NTRK2: variants seen among roughly 807,000 people sequenced by gnomAD.
NTRK2 encodes neurotrophic receptor tyrosine kinase 2.
NTRK2 carries 13 observed loss-of-function variants against 94.5 expected under a neutral mutation model. That is an observed-to-expected ratio of 0.14 (90% confidence interval 0.09 to 0.22). The LOEUF is 0.22. Among genes scored for constraint, NTRK2 ranks in the 10% least tolerant of loss-of-function variants. NTRK2 has a pLI of 1.00. For synonymous variants in NTRK2, 372 were observed against 407.4 expected (o/e 0.91, Z 1.05); for missense variants, 639 against 1,071.2 (o/e 0.60, Z 5.63).
chr9:85,017,691 C>T (rs1832380899), intron 17 of NTRK2, among the ~76,000 whole-genome samples: 1 of 152,326 alleles, frequency 6.6e-6, no homozygotes, highest in Admixed American at 6.5e-5. Context: ...GTACATTTGA[C>T]ATATTTGATC....
Position 84,926,109 on chromosome 9 carries a change from CCTTCCTTCCTT to C in NTRK2, c.1634-8051_1634-8041del, listed in dbSNP as rs2077761945. On this transcript the variant is annotated intron_variant, in intron 14 of 18. Coordinates refer to ENST00000277120, the MANE Select transcript of NTRK2 (RefSeq NM_006180.6). Reference sequence around the variant, plus strand: ...CCTTCCTTCCTTCCTTCCTTCCTTTCCTTCCTTCCTTCCTTCCTTCCTTCCTTCCTTCCTTC... The same window carrying C: ...CCTTCCTTCCTTCCTTCCTTCCTTTCCCTTCCTTCCTTCCTTCCTTCCTTC... Among the ~76,000 whole-genome samples, 75 of 43,918 alleles carry C rather than the reference CCTTCCTTCCTT, an allele frequency of 1.7e-3. 1 individual carries two copies. Among genetic ancestry groups the C allele is most frequent in the Middle Eastern group, 0.017 (1 of 58 alleles). 28.8% of individuals were successfully genotyped at this position (43,918 alleles called of 152,430 possible). A position where few individuals can be genotyped will look rare whatever the true frequency, so the allele number is the denominator to read the frequency against.
intron 12 of NTRK2, among the ~76,000 whole-genome samples, chr9:84,836,313 G>T (rs2073870430): frequency 1.3e-5 from 2 of 152,098 alleles, no homozygotes; most frequent in African/African-American, 4.8e-5. Context: ...GCCCTAGTTG[G>T]TTGGGAAATG....
chr9:84,674,920 G>A (rs1185926093), intron 2 of NTRK2, among the ~76,000 whole-genome samples: 1 of 152,096 alleles, frequency 6.6e-6, no homozygotes, highest in Non-Finnish European at 1.5e-5. Context: ...AGGAAAATGG[G>A]TTTGATTTTT....
At chr9:85,012,687 T>C (rs1415720348) in intron 17 of NTRK2, among the ~76,000 whole-genome samples, 6 of 152,172 alleles carry the variant, frequency 3.9e-5, no homozygotes, top group African/African-American at 1.2e-4. Context: ...ATTATAATCA[T>C]TTCTATCATT....
intron 2 of NTRK2, among the ~76,000 whole-genome samples, chr9:84,676,398 C>T (rs971750040): frequency 6.6e-6 from 1 of 152,152 alleles, no homozygotes; most frequent in African/African-American, 2.4e-5. Context: ...TCTGAACTCC[C>T]TCAAACCATG....
chr9:84,959,534 G>A (rs1471734574), intron 17 of NTRK2, among the ~76,000 whole-genome samples: 1 of 152,192 alleles, frequency 6.6e-6, no homozygotes, highest in Non-Finnish European at 1.5e-5. Context: ...AGGGGAGCTG[G>A]TAGCACCAGG....
At chr9:84,811,305 G>T in intron 12 of NTRK2, 1 of 1,065,442 alleles carries the variant, frequency 9.4e-7, no homozygotes, top group African/African-American at 1.6e-5. Context: ...ACAAACAAAT[G>T]AAAAACGTTT....
intron 14 of NTRK2, among the ~76,000 whole-genome samples, chr9:84,887,869 A>G (rs1018585304): frequency 6.6e-6 from 1 of 152,304 alleles, no homozygotes; most frequent in East Asian, 1.9e-4. Context: ...AGGAAAGATT[A>G]TTTGTTAACG....
chr9:84,832,832 C>T (rs758282856), intron 12 of NTRK2, among the ~76,000 whole-genome samples: 3 of 152,042 alleles, frequency 2.0e-5, no homozygotes, highest in Non-Finnish European at 4.4e-5. Flanking sequence ...GTGTTTGAAT[C>T]GCAGGGAGGA....
intron 12 of NTRK2, chr9:84,815,014 G>T: frequency 9.4e-7 from 1 of 1,059,504 alleles, no homozygotes; most frequent in Admixed American, 5.4e-5. Flanking sequence ...ACCATGAATT[G>T]AATTTGCTGC....
At chr9:84,932,467 T>C (rs1288177590) in intron 14 of NTRK2, among the ~76,000 whole-genome samples, 3 of 152,172 alleles carry the variant, frequency 2.0e-5, no homozygotes, top group Non-Finnish European at 4.4e-5. Flanking sequence ...TTAAATGGGA[T>C]GGTGGGTTCA....
intron 14 of NTRK2, among the ~76,000 whole-genome samples, chr9:84,918,019 T>C (rs1361583207): frequency 6.6e-6 from 1 of 152,218 alleles, no homozygotes; most frequent in Non-Finnish European, 1.5e-5. Flanking sequence ...AGCACAGCAC[T>C]GCAATTGAAA....
At chr9:84,898,766 A>T (rs1004922308) in intron 14 of NTRK2, among the ~76,000 whole-genome samples, 2 of 151,464 alleles carry the variant, frequency 1.3e-5, no homozygotes, top group Admixed American at 6.6e-5. Context: ...GCAATGGTGC[A>T]ATCTTGGCTC....
At position 84,836,815 on chromosome 9, in the gene NTRK2, C is replaced by T. The variant is rs558804954; in HGVS notation, c.1397-24225C>T. Among the ~76,000 whole-genome samples, 5 of 150,518 alleles carry T rather than the reference C, an allele frequency of 3.3e-5. No homozygotes were observed. The East Asian group carries it at 9.8e-4, about 30-fold the overall frequency. Reference sequence around the variant, plus strand: ...TCCCAGTAACTGGGATCAGTAAAGTCTACAAAGAACCTTACAACAATTCAA... The same window carrying T: ...TCCCAGTAACTGGGATCAGTAAAGTTTACAAAGAACCTTACAACAATTCAA... On this transcript the variant is annotated intron_variant, in intron 12 of 18. Transcript: ENST00000277120.
intron 12 of NTRK2, chr9:84,813,504 T>C (rs1034147420): frequency 1.9e-6 from 2 of 1,065,320 alleles, no homozygotes; most frequent in Non-Finnish European, 2.3e-6. Flanking sequence ...CACTTTTCTT[T>C]CTTCCTGACA....
At position 84,924,295 on chromosome 9, in the gene NTRK2, G is replaced by GAAAGAA. The variant is rs1340172014; in HGVS notation, c.1634-9866_1634-9865insAAGAAA. Among the ~76,000 whole-genome samples, 13 of 147,936 alleles carry GAAAGAA rather than the reference G, an allele frequency of 8.8e-5. No homozygotes were observed. In the South Asian group the frequency reaches 1.1e-3, roughly 12 times the overall value. ...AGAAAGAAAGAAAGAAAGAAAGAAA[G>GAAAGAA]AGGAAAAAAAGGAGGTTTATGCACA... On this transcript the variant is annotated intron_variant, in intron 14 of 18. Coordinates refer to ENST00000277120, the MANE Select transcript of NTRK2 (RefSeq NM_006180.6).
At position 84,919,047 on chromosome 9, in the gene NTRK2, C is replaced by T. The variant is rs372374866; in HGVS notation, c.1634-15115C>T. On this transcript the variant is annotated intron_variant, in intron 14 of 18. Coordinates refer to ENST00000277120, the MANE Select transcript of NTRK2 (RefSeq NM_006180.6). Reference sequence around the variant, plus strand: ...TCTCTATGGTCTGGTCCCCTATCTACACATACATTGAAACTTACATGCCAC... The same window carrying T: ...TCTCTATGGTCTGGTCCCCTATCTATACATACATTGAAACTTACATGCCAC... 3.2e-4 allele frequency among the ~76,000 whole-genome samples: 48 copies of T among 152,272 alleles called. 2 individuals are homozygous for T. Among genetic ancestry groups the T allele is most frequent in the African/African-American group, 1.1e-3 (47 of 41,556 alleles).
intron 17 of NTRK2, among the ~76,000 whole-genome samples, chr9:84,990,176 A>G (rs1828877177): frequency 6.6e-6 from 1 of 152,136 alleles, no homozygotes; most frequent in South Asian, 2.1e-4. Flanking sequence ...GGCCAGGCGG[A>G]TATTCATCTT....
chr9:84,703,556 T>C (rs750256480), intron 4 of NTRK2, among the ~76,000 whole-genome samples: 2 of 152,120 alleles, frequency 1.3e-5, no homozygotes, highest in Non-Finnish European at 2.9e-5. Flanking sequence ...AGGAGAACAG[T>C]TCCCCAACTG....
Sources: gnomAD v4.1 joint callset for allele counts (sites outside exome capture counted in the v4.1 genomes callset) on GRCh38, gnomAD v4.1.1 for gene constraint, MANE v1.5 for transcripts, NCBI Gene and HGNC (gene_info 2026-07-23, HGNC 2026-07-21) for gene names.